THRB: variants seen among roughly 807,000 people sequenced by gnomAD.
The protein encoded by THRB is nuclear receptor subfamily 1 group A member 2.
Under a neutral mutation model 47.8 loss-of-function variants are expected in THRB, and 12 were observed. The observed-to-expected ratio is 0.25, with a 90% confidence interval of 0.16 to 0.41. THRB has a LOEUF of 0.41. Ranked by LOEUF, THRB falls within the 10% of genes least tolerant of loss-of-function variation. The pLI is 1.00. For missense variants in THRB, 348 were observed against 589.2 expected (o/e 0.59, Z 4.24); for synonymous variants, 218 against 212.2 (o/e 1.03, Z -0.24).
At chr3:24,178,954 C>G (rs1188630493) in intron 5 of THRB, among the ~76,000 whole-genome samples, 1 of 152,154 alleles carries the variant, frequency 6.6e-6, no homozygotes, top group Non-Finnish European at 1.5e-5. Flanking sequence ...TAAATACATA[C>G]AATTTTTATT....
chr3:24,198,246 T>C (rs1187465313), intron 4 of THRB, among the ~76,000 whole-genome samples: 3 of 152,162 alleles, frequency 2.0e-5, no homozygotes, highest in East Asian at 3.9e-4. Context: ...TCCAAAATAG[T>C]GAAAAGTTAA....
intron 3 of THRB, among the ~76,000 whole-genome samples, chr3:24,269,716 A>G (rs1362287426): frequency 6.6e-6 from 1 of 151,748 alleles, no homozygotes; most frequent in Non-Finnish European, 1.5e-5. Context: ...GATTACAGGC[A>G]TAAGCCACAG....
intron 2 of THRB, among the ~76,000 whole-genome samples, chr3:24,317,255 T>C (rs1312482418): frequency 6.6e-6 from 1 of 152,196 alleles, no homozygotes; most frequent in African/African-American, 2.4e-5. Flanking sequence ...ATGTGGAAAC[T>C]TTCCAACTCT....
chr3:24,165,263 T>C (rs1272357136), intron 5 of THRB: 1 of 765,130 alleles, frequency 1.3e-6, no homozygotes, highest in Admixed American at 1.7e-5. Flanking sequence ...CGGACTATCT[T>C]CAAAATACGC....
At chr3:24,322,981 G>C (rs1427941944) in intron 2 of THRB, among the ~76,000 whole-genome samples, 1 of 152,032 alleles carries the variant, frequency 6.6e-6, no homozygotes, top group African/African-American at 2.4e-5. Context: ...AGTGAATTTG[G>C]CCATAAGAGC....
intron 1 of THRB, among the ~76,000 whole-genome samples, chr3:24,366,245 T>C (rs1391645392): frequency 6.6e-6 from 1 of 152,168 alleles, no homozygotes; most frequent in Non-Finnish European, 1.5e-5. Context: ...ACTATTCCTA[T>C]ATAACAAGCA....
At chr3:24,453,471 C>T (rs551941136) in intron 1 of THRB, among the ~76,000 whole-genome samples, 11 of 152,262 alleles carry the variant, frequency 7.2e-5, no homozygotes, top group Admixed American at 4.6e-4. Context: ...TCACCTTACT[C>T]GTTTTCCACT....
chr3:24,476,300 A>T (rs1695440876), intron 1 of THRB, among the ~76,000 whole-genome samples: 1 of 152,190 alleles, frequency 6.6e-6, no homozygotes, highest in African/African-American at 2.4e-5. Context: ...TTCCCTCTAC[A>T]GGGTGTTCAT....
chr3:24,129,893 C>CTTGT, intron 9 of THRB, among the ~76,000 whole-genome samples: 1 of 152,318 alleles, frequency 6.6e-6, no homozygotes, highest in Non-Finnish European at 1.5e-5. Flanking sequence ...TCATGCCAGT[C>CTTGT]TTGTTTGGTG....
At chr3:24,262,871 TTACTC>T (rs2052219650) in intron 3 of THRB, among the ~76,000 whole-genome samples, 1 of 152,164 alleles carries the variant, frequency 6.6e-6, no homozygotes, top group Admixed American at 6.5e-5. Context: ...ATTTTGTTAA[TTACTC>T]TATCTCTAGA....
chr3:24,377,772 C>T (rs1293881355), intron 1 of THRB, among the ~76,000 whole-genome samples: 1 of 152,088 alleles, frequency 6.6e-6, no homozygotes, highest in Non-Finnish European at 1.5e-5. Flanking sequence ...CAATCTCTTA[C>T]CTTCCCTCCT....
chr3:24,260,971 G>A (rs2051903020), intron 3 of THRB, among the ~76,000 whole-genome samples: 1 of 152,152 alleles, frequency 6.6e-6, no homozygotes, highest in Non-Finnish European at 1.5e-5. Flanking sequence ...AGTAGGCCTG[G>A]GAAGGGCCTG....
chr3:24,444,236 T>C (rs889831958), intron 1 of THRB, among the ~76,000 whole-genome samples: 4 of 152,082 alleles, frequency 2.6e-5, no homozygotes, highest in Admixed American at 1.3e-4. Context: ...TTTGGAAAGA[T>C]GATAGAATCA....
chr3:24,212,357 C>T (rs1046738091), intron 4 of THRB, among the ~76,000 whole-genome samples: 2 of 152,102 alleles, frequency 1.3e-5, no homozygotes, highest in South Asian at 2.1e-4. Flanking sequence ...GAGATCGCTC[C>T]CTTGCACTCC....
At chr3:24,431,805 G>A (rs1436926012) in intron 1 of THRB, among the ~76,000 whole-genome samples, 1 of 152,108 alleles carries the variant, frequency 6.6e-6, no homozygotes, top group Non-Finnish European at 1.5e-5. Flanking sequence ...TTATACAGCA[G>A]TGGAAAATGG....
At chr3:24,247,659 T>G (rs1239958346) in intron 3 of THRB, among the ~76,000 whole-genome samples, 1 of 152,196 alleles carries the variant, frequency 6.6e-6, no homozygotes, top group Non-Finnish European at 1.5e-5. Flanking sequence ...ATCATCTCTT[T>G]TACAGATGAG....
intron 4 of THRB, among the ~76,000 whole-genome samples, chr3:24,202,085 G>A (rs1477558105): frequency 2.6e-5 from 4 of 152,154 alleles, no homozygotes; most frequent in Non-Finnish European, 5.9e-5. Flanking sequence ...AGGATTAGCT[G>A]AGCATGCGAC....
intron 1 of THRB, among the ~76,000 whole-genome samples, chr3:24,482,529 T>G (rs1473575277): frequency 5.0e-5 from 6 of 119,856 alleles, no homozygotes; most frequent in African/African-American, 1.1e-4. Flanking sequence ...CTTTCTTTCT[T>G]TCTGTCTCCC....
intron 2 of THRB, among the ~76,000 whole-genome samples, chr3:24,299,269 A>G (rs995184267): frequency 1.4e-4 from 21 of 150,662 alleles, no homozygotes; most frequent in Non-Finnish European, 2.2e-4. Context: ...AAAAAAAAAA[A>G]AAAAGAAAAG....
Sources: gnomAD v4.1 joint callset for allele counts (sites outside exome capture counted in the v4.1 genomes callset) on GRCh38, gnomAD v4.1.1 for gene constraint, MANE v1.5 for transcripts, NCBI Gene and HGNC (gene_info 2026-07-23, HGNC 2026-07-21) for gene names.